RIF1: variants seen among roughly 807,000 people sequenced by gnomAD.
RIF1 encodes the protein replication timing regulatory factor 1, also known as telomere-associated protein RIF1.
A neutral mutation model predicts 247.1 loss-of-function variants in RIF1; 45 were observed. The ratio of observed to expected loss-of-function variants is 0.18; its 90% CI spans 0.14 to 0.23. The LOEUF is 0.23. Ranked by LOEUF, RIF1 falls within the 10% of genes least tolerant of loss-of-function variation. The probability of loss-of-function intolerance (pLI) is 1.00; values close to 1 mark genes in which losing one functional copy is unlikely to be tolerated. For missense variants in RIF1, 2,967 were observed against 2,862.5 expected (o/e 1.04, Z -0.83); for synonymous variants, 1,087 against 978.8 (o/e 1.11, Z -2.06).
chr2:151,491,767 C>CA, intron 9 of RIF1: 1 of 1,586,200 alleles, frequency 6.3e-7, no homozygotes, highest in Non-Finnish European at 8.6e-7. Flanking sequence ...GTACGCCAGA[C>CA]ACGTAAACCT....
chr2:151,510,377 C>G (rs933798620), downstream of RIF1, among the ~76,000 whole-genome samples: 1 of 152,214 alleles, frequency 6.6e-6, no homozygotes, highest in East Asian at 1.9e-4. Context: ...ACATCCCAGC[C>G]TTTGTACAGG....
chr2:151,526,082 T>TAG, the RIF1 span: 1 of 1,612,870 alleles, frequency 6.2e-7, no homozygotes, highest in Non-Finnish European at 8.5e-7. Context: ...GGGGAATCCA[T>TAG]AGAGAGCTCA....
In RIF1 at chr2:151,465,122, G is replaced by C; in HGVS notation, c.5602G>C (p.Asp1868His). ...NFKTVGPCLGDSKNVSQESLE... is the reference protein window; with the variant it reads ...NFKTVGPCLGHSKNVSQESLE... The stretch of plus-strand genomic sequence containing the variant: ...TAAAACTGTTGGCCCGTGTTTAGGA[G>C]ACTCGAAAAATGTTTCACAGGAATC... The change falls in exon 30 of 36, where the codon GAC (aspartate) becomes CAC (histidine). Residue 1868 changes from aspartate to histidine, a missense_variant. Physicochemically the swap from Asp to His is moderately conservative, Grantham distance 81. Coordinates refer to ENST00000444746, the MANE Select transcript of RIF1 (RefSeq NM_018151.5). 1 of 1,612,722 alleles carries C rather than the reference G, an allele frequency of 6.2e-7. No individual in the cohort carries two copies. Among genetic ancestry groups the C allele is most frequent in the Non-Finnish European group, 8.5e-7 (1 of 1,179,718 alleles).
chr2:151,479,730 T>G lies in RIF1; in HGVS notation c.*4659T>G, dbSNP rs971503074. 6.6e-6 allele frequency: 1 copy of G among 152,190 alleles called. No homozygotes were observed. Among genetic ancestry groups the G allele is most frequent in the African/African-American group, 2.4e-5 (1 of 41,458 alleles). 9.4% of individuals were successfully genotyped at this position (152,190 alleles called of 1,614,324 possible). ...CTCGAAAAGTGAGTTTTTCTTGGAA[T>G]TCTGTTAAGGTGTTAGATTTTCCTC... is the stretch of plus-strand genomic sequence containing the variant. On this transcript the variant is annotated 3_prime_UTR_variant, in exon 36 of 36. Transcript: ENST00000444746.
chr2:151,491,233 C>T (rs761563614), intron 9 of RIF1: 7 of 157,786 alleles, frequency 4.4e-5, no homozygotes, highest in African/African-American at 7.2e-5. Flanking sequence ...GGGTCTCATT[C>T]TCTTTTCCAG....
In RIF1 at chr2:151,410,410, T is replaced by TCAGGG. The variant is rs1685936201; in HGVS notation, c.-10-3_-9dup. ...ATTTTCTCCTCTTCCGGTTCGGGCC[T>TCAGGG]CAGGGTGGCCGACATGACGGCCAGG... On this transcript the variant is annotated splice_region_variant and splice_polypyrimidine_tract_variant and intron_variant, in intron 1 of 35. Coordinates refer to ENST00000444746, the MANE Select transcript of RIF1 (RefSeq NM_018151.5). 2 of 1,610,968 alleles carry TCAGGG rather than the reference T, an allele frequency of 1.2e-6. No individual in the cohort carries two copies. The highest frequency in any genetic ancestry group is 1.7e-6 in the Non-Finnish European group (2 of 1,178,664).
At chr2:151,429,029 T>C in intron 9 of RIF1, 107 bp downstream of exon 9, 1 of 667,920 alleles carries the variant, frequency 1.5e-6, no homozygotes, top group Non-Finnish European at 2.5e-6. Flanking sequence ...GTTAAGTAAC[T>C]ACTGAATTAT....
chr2:151,456,547 T>TA, intron 22 of RIF1, 31 bp from the exon 23 acceptor site: 1 of 1,257,170 alleles, frequency 8.0e-7, no homozygotes, highest in Non-Finnish European at 1.1e-6. Context: ...CTTGCAGAAA[T>TA]ATAAATGGTA....
intron 20 of RIF1, among the ~76,000 whole-genome samples, chr2:151,448,885 G>A (rs1160740398): frequency 6.6e-6 from 1 of 152,102 alleles, no homozygotes; most frequent in Non-Finnish European, 1.5e-5. Flanking sequence ...TTTAAAAAAT[G>A]GTCTTAGTTA....
At chr2:151,466,406 G>T (rs1019256100) in intron 30 of RIF1, among the ~76,000 whole-genome samples, 5 of 152,098 alleles carry the variant, frequency 3.3e-5, no homozygotes, top group Non-Finnish European at 7.4e-5. Flanking sequence ...CATCTTTTCT[G>T]CTCCCCATAC....
intron 9 of RIF1, among the ~76,000 whole-genome samples, chr2:151,489,168 CCTT>C (rs761175819): frequency 2.0e-5 from 3 of 152,062 alleles, no homozygotes; most frequent in African/African-American, 2.4e-5. Context: ...CTTATTTAGA[CCTT>C]CTTGTATGTC....
intron 25 of RIF1, 21 bp downstream of exon 25, chr2:151,458,931 G>T: frequency 7.1e-7 from 1 of 1,408,246 alleles, no homozygotes; most frequent in Non-Finnish European, 9.9e-7. Flanking sequence ...GGGTTTTATT[G>T]TTCATTTGTT....
chr2:151,488,674 ATTC>A (rs1451312389), intron 9 of RIF1, among the ~76,000 whole-genome samples: 11 of 152,160 alleles, frequency 7.2e-5, no homozygotes, highest in Non-Finnish European at 1.3e-4. Context: ...ATTCTGTATT[ATTC>A]TTTGTACTTC....
At chr2:151,494,321 G>A (rs2058668245) in intron 9 of RIF1, 3 of 1,065,204 alleles carry the variant, frequency 2.8e-6, no homozygotes, top group Admixed American at 2.4e-5. Flanking sequence ...AAAAGGAAAT[G>A]GTACAGATAA....
downstream of RIF1, among the ~76,000 whole-genome samples, chr2:151,509,491 C>T (rs577326703): frequency 2.3e-4 from 35 of 152,290 alleles, no homozygotes; most frequent in African/African-American, 6.3e-4. Flanking sequence ...GCACACAGAA[C>T]TTGGATGTAT....
chr2:151,519,725 G>T, the RIF1 span: 3 of 1,612,770 alleles, frequency 1.9e-6, no homozygotes, highest in Non-Finnish European at 2.5e-6. Flanking sequence ...ATTGTATTTT[G>T]GTGTCTTGCC....
intron 11 of RIF1, chr2:151,501,594 A>AAGTACCTCAGT (rs1333714970): frequency 1.1e-5 from 6 of 522,236 alleles, no homozygotes; most frequent in Non-Finnish European, 2.0e-5. Flanking sequence ...TTTTATGATG[A>AAGTACCTCAGT]AGTACCTCAG....
chr2:151,462,095 A>G, intron 27 of RIF1, 147 bp from the exon 28 acceptor site: 1 of 443,024 alleles, frequency 2.3e-6, no homozygotes, highest in Non-Finnish European at 4.0e-6. Flanking sequence ...CTGGTCTTGA[A>G]CTCCTGAGCT....
At position 151,463,136 on chromosome 2, in the gene RIF1, A is replaced by G. The variant is rs1412253413; in HGVS notation, c.3616A>G (p.Thr1206Ala). The change falls in exon 30 of 36, where the codon ACT (threonine) becomes GCT (alanine). Residue 1206 changes from threonine to alanine, a missense_variant. Thr to Ala is a moderately conservative substitution (Grantham distance 58). Coordinates refer to ENST00000444746, the MANE Select transcript of RIF1 (RefSeq NM_018151.5). ...CAGCAGTAGTTCAGTTTCTAATACC[A>G]CTGTTGCTGGAACTCCCCCATACCC... Reference protein sequence around the residue: ...VVSSSSVSNTTVAGTPPYPTS... With the variant: ...VVSSSSVSNTAVAGTPPYPTS... 1.9e-6 allele frequency: 3 copies of G among 1,613,928 alleles called. No homozygotes were observed. Among genetic ancestry groups the G allele is most frequent in the Non-Finnish European group, 2.5e-6 (3 of 1,179,976 alleles).
Sources: gnomAD v4.1 joint callset for allele counts (sites outside exome capture counted in the v4.1 genomes callset) on GRCh38, gnomAD v4.1.1 for gene constraint, MANE v1.5 for transcripts, NCBI Gene and HGNC (gene_info 2026-07-23, HGNC 2026-07-21) for gene names.